The following PPP1R12A variants were observed in gnomAD, a reference collection of about 807,000 sequenced individuals.
PPP1R12A encodes myosin binding subunit.
PPP1R12A carries 19 observed loss-of-function variants against 139.6 expected under a neutral mutation model. The ratio of observed to expected loss-of-function variants is 0.14; its 90% CI spans 0.09 to 0.20. PPP1R12A has a LOEUF of 0.20. Ranked by LOEUF, PPP1R12A falls within the 10% of genes least tolerant of loss-of-function variation. PPP1R12A has a pLI of 1.00. For missense variants in PPP1R12A, 925 were observed against 1,211.5 expected (o/e 0.76, Z 3.51); for synonymous variants, 427 against 420.6 (o/e 1.02, Z -0.19).
chr12:79,795,170 C>T (rs896108469), intron 18 of PPP1R12A, among the ~76,000 whole-genome samples: 3 of 152,042 alleles, frequency 2.0e-5, no homozygotes, highest in African/African-American at 7.2e-5. Context: ...GTCAGGCCTA[C>T]AATCAAGGAC....
intron 8 of PPP1R12A, among the ~76,000 whole-genome samples, chr12:79,818,390 C>T (rs1402286104): frequency 2.0e-5 from 3 of 152,038 alleles, no homozygotes; most frequent in Non-Finnish European, 4.4e-5. Flanking sequence ...TACAGGTGTG[C>T]GCTACCACAC....
rs575504888 is a variant in PPP1R12A, at chr12:79,784,302, C to T, written c.2907+2072G>A. On this transcript the variant is annotated intron_variant, in intron 22 of 24. Transcript: ENST00000450142. ...CATTATTAACTCAGCATACTGGATG[C>T]GATACTCAGAGTACCTGCCAAGGCA... Among the ~76,000 whole-genome samples the T allele has an allele frequency of 7.9e-5, 12 of 152,250 alleles. No individual in the cohort carries two copies. In the South Asian group the frequency reaches 2.1e-3, roughly 26 times the overall value.
intron 5 of PPP1R12A, chr12:79,824,077 C>CA (rs1235664626): frequency 6.6e-6 from 1 of 152,096 alleles, no homozygotes; most frequent in Non-Finnish European, 1.5e-5. Context: ...TTAGTTTTAA[C>CA]AAACTTTCCT....
chr12:79,808,797 T>G (rs1310129166), intron 10 of PPP1R12A, among the ~76,000 whole-genome samples: 1 of 152,152 alleles, frequency 6.6e-6, no homozygotes, highest in Non-Finnish European at 1.5e-5. Flanking sequence ...TCAGATAATA[T>G]TTTACTAAGA....
chr12:79,795,547 GGC>G, intron 18 of PPP1R12A, 89 bp downstream of exon 18: 2 of 1,269,460 alleles, frequency 1.6e-6, no homozygotes, highest in Non-Finnish European at 2.2e-6. Context: ...TGAAATCTAA[GGC>G]ATATAAGAAA....
At chr12:79,802,777 GA>G (rs111339003) in intron 14 of PPP1R12A, among the ~76,000 whole-genome samples, 1 of 151,120 alleles carries the variant, frequency 6.6e-6, no homozygotes, top group Non-Finnish European at 1.5e-5. Context: ...TCCTGTCTTG[GA>G]AAAAAAAAGT....
intron 14 of PPP1R12A, among the ~76,000 whole-genome samples, chr12:79,801,390 C>CTTTCTTTTGTTAGCT (rs1261449180): frequency 1.1e-5 from 1 of 91,440 alleles, no homozygotes; most frequent in Non-Finnish European, 2.2e-5. Flanking sequence ...AAAAAAGCCT[C>CTTTCTTTTGTTAGCT]TTTCTTTTGT....
chr12:79,838,429 G>T (rs1305034127), intron 3 of PPP1R12A, among the ~76,000 whole-genome samples: 1 of 152,382 alleles, frequency 6.6e-6, no homozygotes, highest in Admixed American at 6.5e-5. Context: ...ATTTGCATAA[G>T]TAACGAGTAA....
chr12:79,814,911 A>C (rs568764466), intron 9 of PPP1R12A, among the ~76,000 whole-genome samples: 2 of 152,098 alleles, frequency 1.3e-5, no homozygotes, highest in South Asian at 4.1e-4. Flanking sequence ...AAGAAACAAT[A>C]TAATCTTCAA....
intron 1 of PPP1R12A, among the ~76,000 whole-genome samples, chr12:79,898,187 C>T (rs888106775): frequency 2.0e-5 from 3 of 152,200 alleles, no homozygotes; most frequent in Non-Finnish European, 2.9e-5. Context: ...CGGTGGCTCA[C>T]GCCTGTAATC....
At chr12:79,780,500 C>T (rs572641043) in intron 23 of PPP1R12A, 2 of 152,162 alleles carry the variant, frequency 1.3e-5, no homozygotes, top group South Asian at 4.2e-4. Context: ...CTCTGCATGA[C>T]AGATTACAGA....
At chr12:79,810,263 T>C (rs1162792077) in intron 9 of PPP1R12A, among the ~76,000 whole-genome samples, 1 of 151,986 alleles carries the variant, frequency 6.6e-6, no homozygotes, top group Non-Finnish European at 1.5e-5. Context: ...CACAGAAAAA[T>C]TATGATGCAA....
chr12:79,809,628 A>G (rs1310613414), intron 10 of PPP1R12A, among the ~76,000 whole-genome samples, 167 bp downstream of exon 10: 1 of 152,182 alleles, frequency 6.6e-6, no homozygotes, highest in East Asian at 1.9e-4. Context: ...TGATCTTTCC[A>G]GTATTTATAA....
intron 6 of PPP1R12A, among the ~76,000 whole-genome samples, chr12:79,821,811 T>C (rs879538154): frequency 2.0e-5 from 3 of 151,984 alleles, no homozygotes; most frequent in Non-Finnish European, 4.4e-5. Context: ...GGACCTGCTA[T>C]TGGATATATG....
chr12:79,900,035 T>C (rs2137466582), intron 1 of PPP1R12A, among the ~76,000 whole-genome samples: 1 of 152,370 alleles, frequency 6.6e-6, no homozygotes, highest in Middle Eastern at 3.4e-3. Flanking sequence ...AGTTATGAAC[T>C]GTGTGTTAGC....
intron 2 of PPP1R12A, among the ~76,000 whole-genome samples, chr12:79,862,694 G>A (rs1236743435): frequency 2.6e-5 from 4 of 152,082 alleles, no homozygotes. Flanking sequence ...TAGCCAATTC[G>A]ATCAGGCAGA....
At chr12:79,795,883 T>C (rs1872451015) in intron 17 of PPP1R12A, 124 bp from the exon 18 acceptor site, 1 of 806,792 alleles carries the variant, frequency 1.2e-6, no homozygotes, top group Admixed American at 3.4e-5. Context: ...GGTAGGCAGC[T>C]GCTACTACTT....
intron 21 of PPP1R12A, 150 bp from the exon 22 acceptor site, chr12:79,786,628 CAG>C (rs756336771): frequency 8.6e-5 from 44 of 513,220 alleles, no homozygotes; most frequent in Non-Finnish European, 1.3e-4. Flanking sequence ...GGTTGCAAAG[CAG>C]AGACTGTTCG....
At chr12:79,930,795 T>C (rs561347494) in intron 1 of PPP1R12A, among the ~76,000 whole-genome samples, 6 of 151,694 alleles carry the variant, frequency 4.0e-5, no homozygotes, top group Non-Finnish European at 5.9e-5. Context: ...TAAAATAAAA[T>C]AATAAAGGTA....
Sources: allele counts gnomAD v4.1 joint callset (sites outside exome capture counted in the v4.1 genomes callset), GRCh38; gene constraint gnomAD v4.1.1; transcripts MANE v1.5; gene names NCBI Gene and HGNC (gene_info 2026-07-23, HGNC 2026-07-21).